The following EPHA4 variants were observed in gnomAD, a reference collection of about 807,000 sequenced individuals.
EPHA4 encodes the protein EPH receptor A4.
A neutral mutation model predicts 108.3 loss-of-function variants in EPHA4; 19 were observed. The observed-to-expected ratio is 0.18, with a 90% CI of 0.12 to 0.26. The LOEUF is 0.26. EPHA4 is among the 10% of genes least tolerant of loss of function. The pLI is 1.00. For synonymous variants in EPHA4, 449 were observed against 455.5 expected (o/e 0.99, Z 0.18); for missense variants, 917 against 1,254.0 (o/e 0.73, Z 4.06).
At chr2:221,483,500 T>TTGTGTGTGTGTGTGTGTGTGTG (rs58143142) in intron 4 of EPHA4, among the ~76,000 whole-genome samples, 2 of 143,710 alleles carry the variant, frequency 1.4e-5, no homozygotes, top group African/African-American at 2.6e-5. Context: ...TGATGTAGAT[T>TTGTGTGTGTGTGTGTGTGTGTG]TGTGTGTGTG....
chr2:221,449,391 C>T (rs1331316574), intron 8 of EPHA4, among the ~76,000 whole-genome samples: 1 of 152,174 alleles, frequency 6.6e-6, no homozygotes, highest in East Asian at 1.9e-4. Context: ...AGGCTGATCA[C>T]TTGAATGACA....
At chr2:221,506,380 T>C (rs1397507951) in intron 3 of EPHA4, among the ~76,000 whole-genome samples, 3 of 152,204 alleles carry the variant, frequency 2.0e-5, no homozygotes, top group Non-Finnish European at 4.4e-5. Context: ...TTTTTGTGAA[T>C]ATGTGCAAGC....
At chr2:221,451,472 G>T (rs1690783078) in intron 8 of EPHA4, among the ~76,000 whole-genome samples, 1 of 152,184 alleles carries the variant, frequency 6.6e-6, no homozygotes, top group Non-Finnish European at 1.5e-5. Context: ...AAGTGGTTAT[G>T]TTGTGGAGAT....
intron 8 of EPHA4, among the ~76,000 whole-genome samples, chr2:221,454,534 A>C (rs1241636232): frequency 2.6e-5 from 4 of 152,210 alleles, no homozygotes; most frequent in Non-Finnish European, 4.4e-5. Flanking sequence ...ATTTAAGAGG[A>C]TCCTTTTGAC....
At chr2:221,522,005 A>G (rs565831681) in intron 3 of EPHA4, among the ~76,000 whole-genome samples, 1 of 152,256 alleles carries the variant, frequency 6.6e-6, no homozygotes, top group Admixed American at 6.5e-5. Flanking sequence ...AAACAAAAAA[A>G]CAAATAAACA....
chr2:221,446,135 G>A lies in EPHA4; in HGVS notation c.1762C>T (p.His588Tyr), dbSNP rs770032654. The A allele has an allele frequency of 6.5e-7, 1 of 1,540,912 alleles. No individual in the cohort carries two copies. The highest frequency in any genetic ancestry group is 8.7e-7 in the Non-Finnish European group (1 of 1,145,936). ...CAATTTTTTGTACCTTGATTCAAAT[G>A]TTTCTCTTCATCCGCTTCTTGTTTG... ...KAKQEADEEK[H>Y]LNQGVRTYVD... Residue 588 changes from histidine (H) to tyrosine (Y), a missense_variant, in exon 9 of 18, where the codon CAT (histidine) becomes TAT (tyrosine). Around this residue, in one of 3 missense-constraint regions of EPHA4, gnomAD observed 758 missense variants for 1,076.7 expected, o/e 0.70. Transcript: ENST00000281821.
At chr2:221,477,026 G>A (rs1402347486) in intron 5 of EPHA4, among the ~76,000 whole-genome samples, 1 of 150,340 alleles carries the variant, frequency 6.7e-6, no homozygotes, top group East Asian at 2.0e-4. Flanking sequence ...GCATTATAAT[G>A]AGGTGTAATG....
At chr2:221,554,355 A>C (rs1262696485) in intron 3 of EPHA4, among the ~76,000 whole-genome samples, 1 of 152,242 alleles carries the variant, frequency 6.6e-6, no homozygotes, top group Non-Finnish European at 1.5e-5. Flanking sequence ...GCTCTGTGAA[A>C]TTAGTTTGAA....
At chr2:221,523,441 C>A (rs970977495) in intron 3 of EPHA4, among the ~76,000 whole-genome samples, 5 of 152,068 alleles carry the variant, frequency 3.3e-5, no homozygotes, top group African/African-American at 1.2e-4. Flanking sequence ...GCATGTGCCA[C>A]CACGCCCAGC....
chr2:221,560,499 GGA>G lies in EPHA4; in HGVS notation c.823+3230_823+3231del, dbSNP rs142567560. On this transcript the variant is annotated intron_variant, in intron 3 of 17. Coordinates refer to ENST00000281821, the MANE Select transcript of EPHA4 (RefSeq NM_004438.5). ...GTATATTATTATTTGTTAGGGCAAA[GGA>G]GAGAGATGCTTCCTATCTTTAGCCT... Among the ~76,000 whole-genome samples, 14 of 152,296 alleles carry G rather than the reference GGA, an allele frequency of 9.2e-5. 1 individual carries two copies. The East Asian group carries it at 1.4e-3, about 15-fold the overall frequency.
chr2:221,565,794 T>A (rs1424842020), intron 2 of EPHA4, among the ~76,000 whole-genome samples: 1 of 152,202 alleles, frequency 6.6e-6, no homozygotes, highest in East Asian at 1.9e-4. Flanking sequence ...TTTTAGGAAA[T>A]TCATGTAAAT....
chr2:221,428,702 C>T (rs964843194), intron 15 of EPHA4, among the ~76,000 whole-genome samples: 1 of 152,148 alleles, frequency 6.6e-6, no homozygotes, highest in Non-Finnish European at 1.5e-5. Flanking sequence ...AATAGCCTCA[C>T]AATAGTAGGA....
chr2:221,439,070 T>A (rs1174762804), intron 11 of EPHA4, among the ~76,000 whole-genome samples: 1 of 152,118 alleles, frequency 6.6e-6, no homozygotes, highest in Non-Finnish European at 1.5e-5. Context: ...GAGTTTTTGG[T>A]GTTGTGTCTA....
At chr2:221,454,138 C>T (rs1224102623) in intron 8 of EPHA4, among the ~76,000 whole-genome samples, 1 of 151,968 alleles carries the variant, frequency 6.6e-6, no homozygotes, top group African/African-American at 2.4e-5. Context: ...CGAGATCATG[C>T]CACTGTACTT....
At chr2:221,561,433 G>A (rs902192563) in intron 3 of EPHA4, among the ~76,000 whole-genome samples, 1 of 151,846 alleles carries the variant, frequency 6.6e-6, no homozygotes, top group Non-Finnish European at 1.5e-5. Flanking sequence ...AGAAAAAAAA[G>A]CAAAATAACA....
chr2:221,480,352 C>T (rs376668972), intron 5 of EPHA4, among the ~76,000 whole-genome samples: 4 of 152,072 alleles, frequency 2.6e-5, no homozygotes, highest in Non-Finnish European at 2.9e-5. Flanking sequence ...GTAGTGCTTG[C>T]GAATGAATAG....
rs1689659882 is a variant in EPHA4, at chr2:221,418,799, A to T, written c.*2573T>A. 2 of 152,504 alleles carry T rather than the reference A, an allele frequency of 1.3e-5. No individual in the cohort carries two copies. The highest frequency in any genetic ancestry group is 2.4e-5 in the African/African-American group (1 of 41,444). 9.4% of individuals were successfully genotyped at this position (152,504 alleles called of 1,614,324 possible). On this transcript the variant is annotated 3_prime_UTR_variant, in exon 18 of 18. Transcript: ENST00000281821. ...CCCACGGGCTCAGACCCAGACCCTGAAGTTGGCCTCCTACCCTTACCTCTG... is the reference window on the plus strand; with the variant it reads ...CCCACGGGCTCAGACCCAGACCCTGTAGTTGGCCTCCTACCCTTACCTCTG...
chr2:221,454,139 C>A (rs1322763106), intron 8 of EPHA4, among the ~76,000 whole-genome samples: 1 of 152,004 alleles, frequency 6.6e-6, no homozygotes, highest in African/African-American at 2.4e-5. Context: ...GAGATCATGC[C>A]ACTGTACTTC....
intron 15 of EPHA4, among the ~76,000 whole-genome samples, chr2:221,427,571 T>G (rs1689948931): frequency 1.3e-5 from 2 of 152,206 alleles, no homozygotes; most frequent in South Asian, 4.1e-4. Context: ...TATAATAACC[T>G]GTAGAAAAAT....
Sources: allele counts gnomAD v4.1 joint callset (sites outside exome capture counted in the v4.1 genomes callset), GRCh38; gene constraint gnomAD v4.1.1; regional missense constraint gnomAD v4.1.1; transcripts MANE v1.5; gene names NCBI Gene and HGNC (gene_info 2026-07-23, HGNC 2026-07-21).